The following CTNNA1 variants were observed in gnomAD, a reference collection of about 807,000 sequenced individuals.
CTNNA1 encodes the protein catenin alpha 1, also known as catenin alpha-1.
Under a neutral mutation model 98.4 loss-of-function variants are expected in CTNNA1, and 37 were observed. The observed-to-expected ratio is 0.38, with a 90% confidence interval of 0.29 to 0.49. The LOEUF is 0.49. Among genes scored for constraint, CTNNA1 ranks in the 20% least tolerant of loss-of-function variants. CTNNA1 has a pLI of 0.95. For missense variants in CTNNA1, 761 were observed against 1,147.2 expected, an observed-to-expected ratio of 0.66 and a Z score of 4.86; for synonymous variants, 404 against 413.2, an observed-to-expected ratio of 0.98 and a Z score of 0.27.
At chr5:138,932,338 C>T in intron 16 of CTNNA1, 2 of 1,331,918 alleles carry the variant, frequency 1.5e-6, no homozygotes, top group Non-Finnish European at 1.9e-6. Flanking sequence ...CTTGGCTATA[C>T]AACCAGTGCC....
intron 7 of CTNNA1, among the ~76,000 whole-genome samples, chr5:138,838,607 G>C (rs999301389): frequency 6.6e-6 from 1 of 151,170 alleles, no homozygotes; most frequent in Admixed American, 6.6e-5. Context: ...GCTTATTTTG[G>C]GTTTATTTTA....
intron 3 of CTNNA1, among the ~76,000 whole-genome samples, chr5:138,802,632 A>G (rs963264915): frequency 6.6e-6 from 1 of 152,192 alleles, no homozygotes; most frequent in Non-Finnish European, 1.5e-5. Flanking sequence ...TTCAGCTTGT[A>G]TGGTCATTTT....
At chr5:138,817,104 C>T (rs970219304) in intron 5 of CTNNA1, among the ~76,000 whole-genome samples, 1 of 152,212 alleles carries the variant, frequency 6.6e-6, no homozygotes, top group Non-Finnish European at 1.5e-5. Context: ...GAATAGTTTG[C>T]ACATATTTTC....
At chr5:138,844,145 A>C (rs1386271128) in intron 7 of CTNNA1, among the ~76,000 whole-genome samples, 2 of 152,160 alleles carry the variant, frequency 1.3e-5, no homozygotes, top group Admixed American at 1.3e-4. Flanking sequence ...CATTTTAAAA[A>C]TTTAAAAATT....
chr5:138,780,116 T>C (rs951262068), intron 1 of CTNNA1, among the ~76,000 whole-genome samples: 3 of 152,228 alleles, frequency 2.0e-5, no homozygotes, highest in African/African-American at 7.2e-5. Context: ...TCCTTAACTT[T>C]AGAATAAGAT....
intron 16 of CTNNA1, 148 bp downstream of exon 16, chr5:138,931,083 G>T: frequency 1.6e-6 from 1 of 632,382 alleles, no homozygotes; most frequent in Non-Finnish European, 2.9e-6. Flanking sequence ...GCATAGATTT[G>T]TAAGGATTCT....
intron 3 of CTNNA1, among the ~76,000 whole-genome samples, chr5:138,798,342 T>G (rs1046307882): frequency 1.3e-5 from 2 of 152,224 alleles, no homozygotes; most frequent in African/African-American, 4.8e-5. Flanking sequence ...ATATCGAAGC[T>G]GGATTTAGAC....
intron 10 of CTNNA1, among the ~76,000 whole-genome samples, chr5:138,907,016 TTTC>T (rs1444593901): frequency 2.0e-5 from 3 of 152,196 alleles, no homozygotes; most frequent in Non-Finnish European, 4.4e-5. Flanking sequence ...TTCTTTCTTG[TTTC>T]TTCTTCTTTT....
At chr5:138,878,752 A>G (rs957942967) in intron 7 of CTNNA1, among the ~76,000 whole-genome samples, 1 of 152,184 alleles carries the variant, frequency 6.6e-6, no homozygotes, top group African/African-American at 2.4e-5. Context: ...GAGGGAGGGT[A>G]GAGAGGGAGC....
intron 9 of CTNNA1, among the ~76,000 whole-genome samples, chr5:138,896,575 C>T (rs1380922379): frequency 2.0e-5 from 3 of 152,122 alleles, no homozygotes; most frequent in Admixed American, 6.5e-5. Context: ...GTTGTTTATC[C>T]TCAAGGCCAG....
At chr5:138,795,628 G>T (rs1756879136) in intron 3 of CTNNA1, among the ~76,000 whole-genome samples, 1 of 152,080 alleles carries the variant, frequency 6.6e-6, no homozygotes, top group Admixed American at 6.6e-5. Flanking sequence ...GAAGTTTTGG[G>T]CATTCATTAA....
chr5:138,794,822 G>T (rs1756757805), intron 3 of CTNNA1, among the ~76,000 whole-genome samples: 1 of 152,184 alleles, frequency 6.6e-6, no homozygotes. Context: ...TCTTGGTCCT[G>T]TTATTTTATT....
At chr5:138,852,463 T>TGGGGGGGGGGG (rs543631762) in intron 7 of CTNNA1, among the ~76,000 whole-genome samples, 2 of 31,270 alleles carry the variant, frequency 6.4e-5, no homozygotes, top group Admixed American at 6.9e-4. Context: ...CTTTGGGGGG[T>TGGGGGGGGGGG]GGGGGGGGTA....
At chr5:138,770,042 G>C (rs889661866) in intron 1 of CTNNA1, among the ~76,000 whole-genome samples, 1 of 151,334 alleles carries the variant, frequency 6.6e-6, no homozygotes, top group Non-Finnish European at 1.5e-5. Flanking sequence ...CACCATGTTG[G>C]CCAGGCTAGT....
intron 3 of CTNNA1, among the ~76,000 whole-genome samples, chr5:138,799,109 A>G (rs1425489143): frequency 6.6e-6 from 1 of 152,050 alleles, no homozygotes; most frequent in Non-Finnish European, 1.5e-5. Flanking sequence ...GATCTCAAGT[A>G]ATCCCCTACC....
intron 5 of CTNNA1, among the ~76,000 whole-genome samples, chr5:138,816,444 A>G (rs181644506): frequency 1.4e-4 from 22 of 152,254 alleles, no homozygotes; most frequent in Admixed American, 3.3e-4. Flanking sequence ...TTTTGAGGAA[A>G]TTCCATACAA....
At chr5:138,806,484 A>T (rs867375517) in intron 3 of CTNNA1, among the ~76,000 whole-genome samples, 1 of 151,742 alleles carries the variant, frequency 6.6e-6, no homozygotes, top group African/African-American at 2.4e-5. Flanking sequence ...AGGTGATCAG[A>T]TCTTTTGACC....
intron 3 of CTNNA1, among the ~76,000 whole-genome samples, chr5:138,785,795 T>C (rs900210116): frequency 2.0e-5 from 3 of 152,136 alleles, no homozygotes; most frequent in Non-Finnish European, 2.9e-5. Flanking sequence ...TAGTATTGCC[T>C]TGTTGGCAGG....
chr5:138,900,421 AATCTT>A (rs1399363941), intron 9 of CTNNA1, among the ~76,000 whole-genome samples: 2 of 152,072 alleles, frequency 1.3e-5, no homozygotes, highest in African/African-American at 4.8e-5. Flanking sequence ...AACAAAAAGA[AATCTT>A]ATCTTGTCTT....
Sources: allele counts gnomAD v4.1 joint callset (sites outside exome capture counted in the v4.1 genomes callset), GRCh38; gene constraint gnomAD v4.1.1; transcripts MANE v1.5; gene names NCBI Gene and HGNC (gene_info 2026-07-23, HGNC 2026-07-21).